Variants in KIF16B observed in about 807,000 individuals in gnomAD.
KIF16B encodes kinesin family member 16B.
Under a neutral mutation model 156.3 loss-of-function variants are expected in KIF16B, and 98 were observed. That is an observed-to-expected ratio of 0.63 (90% CI 0.53 to 0.74). The LOEUF (loss-of-function observed/expected upper bound fraction) is 0.74. KIF16B is among the 30% of genes least tolerant of loss of function. The probability of loss-of-function intolerance (pLI) is 0.00; values close to 1 mark genes in which losing one functional copy is unlikely to be tolerated. For synonymous variants in KIF16B, 564 were observed against 583.7 expected (o/e 0.97, Z 0.49); for missense variants, 1,421 against 1,606.5 (o/e 0.88, Z 1.97).
chr20:16,430,592 C>T (rs2066470967), intron 12 of KIF16B, among the ~76,000 whole-genome samples: 1 of 152,140 alleles, frequency 6.6e-6, no homozygotes, highest in African/African-American at 2.4e-5. Flanking sequence ...GAGAAAACTA[C>T]CTCCAAAAAG....
chr20:16,494,844 T>C (rs1029764226), intron 11 of KIF16B, among the ~76,000 whole-genome samples: 12 of 152,202 alleles, frequency 7.9e-5, no homozygotes, highest in African/African-American at 2.7e-4. Context: ...TATCTTTTTT[T>C]GTTGTTGATA....
intron 1 of KIF16B, among the ~76,000 whole-genome samples, chr20:16,531,038 T>A (rs1043711217): frequency 1.3e-5 from 2 of 152,162 alleles, no homozygotes; most frequent in African/African-American, 4.8e-5. Flanking sequence ...TTTGGGGTAA[T>A]TTGTTATACA....
chr20:16,440,537 A>G (rs1433384012), intron 12 of KIF16B, among the ~76,000 whole-genome samples: 527 of 7,388 alleles, frequency 0.071, 1 homozygote, highest in African/African-American at 0.34. Context: ...GCGCGCGCAC[A>G]CACACACACA....
chr20:16,276,267 A>G (rs6111005), intron 25 of KIF16B, among the ~76,000 whole-genome samples: 17,259 of 152,290 alleles, frequency 0.11, 1,066 homozygotes, highest in African/African-American at 0.14. Flanking sequence ...AGGGTATAAT[A>G]AGAAGAGAAG....
At chr20:16,529,502 T>C (rs2069669005) in intron 1 of KIF16B, among the ~76,000 whole-genome samples, 1 of 152,196 alleles carries the variant, frequency 6.6e-6, no homozygotes, top group Non-Finnish European at 1.5e-5. Flanking sequence ...TTTTTAGTAA[T>C]CATATTTTTG....
intron 1 of KIF16B, among the ~76,000 whole-genome samples, chr20:16,572,829 ATTG>A (rs1396470537): frequency 3.3e-5 from 5 of 152,200 alleles, no homozygotes; most frequent in African/African-American, 1.2e-4. Flanking sequence ...AGCATGGTTA[ATTG>A]TTAAGAGAAC....
At chr20:16,506,884 CAGG>C (rs1185271774) in intron 7 of KIF16B, among the ~76,000 whole-genome samples, 4 of 151,674 alleles carry the variant, frequency 2.6e-5, no homozygotes, top group South Asian at 2.1e-4. Context: ...CGCTTGAGCC[CAGG>C]AGTTCAAGAC....
chr20:16,456,442 T>TACACACAC (rs149717403), intron 12 of KIF16B, among the ~76,000 whole-genome samples: 1 of 151,000 alleles, frequency 6.6e-6, no homozygotes, highest in African/African-American at 2.4e-5. Context: ...CCAATTAAGA[T>TACACACAC]ACACACACAC....
At chr20:16,378,677 T>A (rs941879180) in intron 19 of KIF16B, 128 bp downstream of exon 19, 1 of 912,044 alleles carries the variant, frequency 1.1e-6, no homozygotes, top group East Asian at 2.6e-5. Flanking sequence ...CATTTGCCTA[T>A]GTATTAAAGA....
intron 22 of KIF16B, chr20:16,367,285 T>C (rs779382529): frequency 1.6e-5 from 25 of 1,612,776 alleles, no homozygotes; most frequent in Non-Finnish European, 1.9e-5. Flanking sequence ...TGGGGCTTCC[T>C]GAAGGTGCTC....
chr20:16,425,586 C>T (rs2066330744), intron 15 of KIF16B, among the ~76,000 whole-genome samples: 2 of 152,200 alleles, frequency 1.3e-5, no homozygotes, highest in Admixed American at 6.5e-5. Context: ...TACCTTCAAT[C>T]TCATAGTACT....
At chr20:16,553,108 C>T (rs906640226) in intron 1 of KIF16B, among the ~76,000 whole-genome samples, 5 of 152,154 alleles carry the variant, frequency 3.3e-5, no homozygotes, top group Admixed American at 1.3e-4. Flanking sequence ...CTCCAGTCTC[C>T]ACTCTCACCA....
chr20:16,289,686 A>C (rs1255292663), intron 25 of KIF16B, among the ~76,000 whole-genome samples: 4 of 151,812 alleles, frequency 2.6e-5, no homozygotes, highest in Non-Finnish European at 5.9e-5. Context: ...CTAAAAATAC[A>C]AAAAATTAGC....
At chr20:16,410,925 T>C (rs1486325964) in intron 15 of KIF16B, among the ~76,000 whole-genome samples, 1 of 152,026 alleles carries the variant, frequency 6.6e-6, no homozygotes. Flanking sequence ...TGCCTCATTG[T>C]CTGCAGTCAG....
At chr20:16,552,829 T>C (rs1242011231) in intron 1 of KIF16B, among the ~76,000 whole-genome samples, 1 of 152,122 alleles carries the variant, frequency 6.6e-6, no homozygotes, top group Non-Finnish European at 1.5e-5. Context: ...CAGAGTGCAG[T>C]GGTGTGATCT....
At chr20:16,301,599 T>C (rs1213262469) in intron 25 of KIF16B, among the ~76,000 whole-genome samples, 2 of 152,182 alleles carry the variant, frequency 1.3e-5, no homozygotes, top group Admixed American at 6.5e-5. Flanking sequence ...TCTTTTCATA[T>C]GCTTATTTGC....
At chr20:16,557,249 C>A (rs921740525) in intron 1 of KIF16B, among the ~76,000 whole-genome samples, 1 of 151,826 alleles carries the variant, frequency 6.6e-6, no homozygotes, top group African/African-American at 2.4e-5. Context: ...GGCGCAATCT[C>A]GGCTCACTGC....
chr20:16,475,295 A>T (rs2067778114), intron 12 of KIF16B, among the ~76,000 whole-genome samples: 1 of 152,204 alleles, frequency 6.6e-6, no homozygotes, highest in Non-Finnish European at 1.5e-5. Context: ...CCGATGAGTT[A>T]GGTACTATTA....
chr20:16,375,775 C>T (rs1284614093), intron 19 of KIF16B, among the ~76,000 whole-genome samples: 4 of 152,008 alleles, frequency 2.6e-5, no homozygotes, highest in Non-Finnish European at 4.4e-5. Flanking sequence ...AAGAATTGTC[C>T]TTCAGCACAG....
Sources: gnomAD v4.1 joint callset for allele counts (sites outside exome capture counted in the v4.1 genomes callset) on GRCh38, gnomAD v4.1.1 for gene constraint, MANE v1.5 for transcripts, NCBI Gene and HGNC (gene_info 2026-07-23, HGNC 2026-07-21) for gene names.